Variants in DLG2 observed in about 807,000 individuals in gnomAD.
DLG2 encodes the protein discs large MAGUK scaffold protein 2.
A neutral mutation model predicts 132.5 loss-of-function variants in DLG2; 45 were observed. That is an observed-to-expected ratio of 0.34 (90% confidence interval 0.27 to 0.44). The LOEUF (loss-of-function observed/expected upper bound fraction) is 0.44. Ranked by LOEUF, DLG2 falls within the 20% of genes least tolerant of loss-of-function variation. The pLI is 1.00. For missense variants in DLG2, 1,045 were observed against 1,196.9 expected (o/e 0.87, Z 1.87); for synonymous variants, 424 against 419.6 (o/e 1.01, Z -0.13).
intron 6 of DLG2, among the ~76,000 whole-genome samples, chr11:85,027,579 G>A (rs11234268): frequency 0.095 from 14,495 of 152,258 alleles, 948 homozygotes; most frequent in Non-Finnish European, 0.14. Context: ...GTGTATGAGC[G>A]AATGAGCATG....
At chr11:83,643,313 G>C (rs2067145938) in intron 18 of DLG2, among the ~76,000 whole-genome samples, 2 of 152,172 alleles carry the variant, frequency 1.3e-5, no homozygotes, top group Non-Finnish European at 2.9e-5. Flanking sequence ...CTCTGTGGGG[G>C]AAAATGGAAA....
intron 11 of DLG2, among the ~76,000 whole-genome samples, chr11:84,055,308 C>T (rs1239563891): frequency 6.6e-6 from 1 of 152,116 alleles, no homozygotes; most frequent in Non-Finnish European, 1.5e-5. Context: ...CAAGTAACCC[C>T]TAACTGATCT....
At chr11:84,248,214 C>A (rs1405617636) in intron 8 of DLG2, among the ~76,000 whole-genome samples, 1 of 152,144 alleles carries the variant, frequency 6.6e-6, no homozygotes, top group Non-Finnish European at 1.5e-5. Context: ...TGCACTAAAT[C>A]TGCCATTTTC....
At chr11:84,090,500 A>AT (rs976233316) in intron 10 of DLG2, among the ~76,000 whole-genome samples, 1 of 151,852 alleles carries the variant, frequency 6.6e-6, no homozygotes, top group Admixed American at 6.6e-5. Flanking sequence ...GACGAGTAAC[A>AT]TTTTTTAAAA....
At chr11:84,081,928 GC>G (rs1566398372) in intron 10 of DLG2, among the ~76,000 whole-genome samples, 1 of 152,074 alleles carries the variant, frequency 6.6e-6, no homozygotes, top group African/African-American at 2.4e-5. Flanking sequence ...AGTTTACACT[GC>G]CACCAACAGT....
chr11:83,786,696 G>C lies in DLG2; in HGVS notation c.1819C>G (p.Pro607Ala), dbSNP rs1358607642. 2 of 1,613,502 alleles carry C rather than the reference G, an allele frequency of 1.2e-6. No homozygotes were observed. The highest frequency in any genetic ancestry group is 1.7e-6 in the Non-Finnish European group (2 of 1,179,606). The change falls in exon 18 of 28, where the codon CCT becomes GCT. Residue 607 changes from proline to alanine, a missense_variant. Pro to Ala is a conservative substitution (Grantham distance 27). Coordinates refer to ENST00000376104, the MANE Select transcript of DLG2 (RefSeq NM_001142699.3). ...AGTTTGAGTTCTGACTGACCTTCAGGTTGATATTGTGCTATAATCGTCACT... is the reference window on the plus strand; with the variant it reads ...AGTTTGAGTTCTGACTGACCTTCAGCTTGATATTGTGCTATAATCGTCACT... The part of the protein sequence containing the change: ...QTVTIIAQYQ[P>A]EDYARFEAKI...
At chr11:85,371,558 A>G (rs996699309) in intron 3 of DLG2, among the ~76,000 whole-genome samples, 5 of 152,206 alleles carry the variant, frequency 3.3e-5, no homozygotes, top group African/African-American at 1.2e-4. Flanking sequence ...CTTTGACTGG[A>G]AGGGTATGCT....
chr11:83,695,592 A>T (rs1012858299), intron 18 of DLG2, among the ~76,000 whole-genome samples: 2 of 152,230 alleles, frequency 1.3e-5, no homozygotes, highest in Admixed American at 6.5e-5. Flanking sequence ...TACCAAAATT[A>T]GCTAGGCATG....
intron 7 of DLG2, among the ~76,000 whole-genome samples, chr11:84,364,315 T>C (rs1391577733): frequency 6.6e-6 from 1 of 152,170 alleles, no homozygotes; most frequent in Non-Finnish European, 1.5e-5. Context: ...TCTGTTTGTC[T>C]GTTATTTGTG....
At chr11:83,505,516 T>C (rs2094649667) in intron 21 of DLG2, among the ~76,000 whole-genome samples, 1 of 152,236 alleles carries the variant, frequency 6.6e-6, no homozygotes, top group Admixed American at 6.5e-5. Flanking sequence ...CACCCATTGG[T>C]GAGGACTCAC....
At chr11:84,784,652 A>G (rs1364083001) in intron 6 of DLG2, among the ~76,000 whole-genome samples, 1 of 152,040 alleles carries the variant, frequency 6.6e-6, no homozygotes, top group Non-Finnish European at 1.5e-5. Context: ...TTTAAAAATA[A>G]CTCTAGTACC....
chr11:83,682,892 TGGC>T (rs999854040), intron 18 of DLG2, among the ~76,000 whole-genome samples: 1 of 152,158 alleles, frequency 6.6e-6, no homozygotes, highest in Non-Finnish European at 1.5e-5. Context: ...AAGGAACCCC[TGGC>T]AAGAAAGATA....
intron 7 of DLG2, among the ~76,000 whole-genome samples, chr11:84,453,483 A>G (rs1328540154): frequency 1.3e-5 from 2 of 151,618 alleles, no homozygotes; most frequent in African/African-American, 4.8e-5. Flanking sequence ...GATAGGATCA[A>G]TAATTATAAG....
chr11:85,512,644 A>C (rs1260957958), intron 3 of DLG2, among the ~76,000 whole-genome samples: 2 of 152,114 alleles, frequency 1.3e-5, no homozygotes, highest in African/African-American at 4.8e-5. Flanking sequence ...ATGTCATACT[A>C]ATACAACTTC....
chr11:84,598,517 T>C (rs1337518437), intron 6 of DLG2, among the ~76,000 whole-genome samples: 1 of 152,212 alleles, frequency 6.6e-6, no homozygotes, highest in Non-Finnish European at 1.5e-5. Flanking sequence ...TATTCATCAC[T>C]AAATTCTGAG....
chr11:84,798,541 C>T (rs1370269727), intron 6 of DLG2, among the ~76,000 whole-genome samples: 1 of 152,158 alleles, frequency 6.6e-6, no homozygotes, highest in Non-Finnish European at 1.5e-5. Context: ...GTGGAGGATG[C>T]TGTCAGATCT....
At chr11:85,538,430 G>A (rs1202303863) in intron 3 of DLG2, among the ~76,000 whole-genome samples, 2 of 151,852 alleles carry the variant, frequency 1.3e-5, no homozygotes, top group Admixed American at 6.6e-5. Context: ...AAGACAGTGT[G>A]GTGATTCCTC....
At chr11:85,384,396 C>T (rs773135728) in intron 3 of DLG2, among the ~76,000 whole-genome samples, 1 of 152,080 alleles carries the variant, frequency 6.6e-6, no homozygotes, top group Non-Finnish European at 1.5e-5. Context: ...AAAAACTTTG[C>T]ATTTAATAGG....
chr11:84,085,631 T>C (rs985045962), intron 10 of DLG2, among the ~76,000 whole-genome samples: 1 of 152,202 alleles, frequency 6.6e-6, no homozygotes, highest in Admixed American at 6.5e-5. Flanking sequence ...GATTCCTATG[T>C]CTCCTGCCTT....
Sources: gnomAD v4.1 joint callset for allele counts (sites outside exome capture counted in the v4.1 genomes callset) on GRCh38, gnomAD v4.1.1 for gene constraint, MANE v1.5 for transcripts, NCBI Gene and HGNC (gene_info 2026-07-23, HGNC 2026-07-21) for gene names.